RFTN1: variants seen among roughly 807,000 people sequenced by gnomAD.
RFTN1 encodes raftlin, lipid raft linker 1.
RFTN1 carries 26 observed loss-of-function variants against 46.5 expected under a neutral mutation model. The observed-to-expected ratio is 0.56, with a 90% CI of 0.41 to 0.78. The LOEUF (loss-of-function observed/expected upper bound fraction) is 0.78, where lower values mean the gene tolerates loss of function less well. Ranked by LOEUF, RFTN1 falls within the 30% of genes least tolerant of loss-of-function variation. The probability of loss-of-function intolerance (pLI) is 0.00; values close to 1 mark genes in which losing one functional copy is unlikely to be tolerated. For synonymous variants in RFTN1, 261 were observed against 284.2 expected (o/e 0.92, Z 0.82); for missense variants, 693 against 718.7 (o/e 0.96, Z 0.41).
chr3:16,332,326 C>G (rs746162802), intron 7 of RFTN1, among the ~76,000 whole-genome samples: 1 of 128,406 alleles, frequency 7.8e-6, no homozygotes, highest in Non-Finnish European at 1.7e-5. Flanking sequence ...GAGAGATTTC[C>G]TTCATTTTGT....
intron 4 of RFTN1, among the ~76,000 whole-genome samples, chr3:16,389,348 A>C (rs2074291872): frequency 6.6e-6 from 1 of 152,216 alleles, no homozygotes; most frequent in Admixed American, 6.5e-5. Context: ...AGTGTGCTAA[A>C]AAAATGAATG....
intron 1 of RFTN1, among the ~76,000 whole-genome samples, chr3:16,510,210 T>C (rs1311845205): frequency 2.6e-5 from 4 of 152,126 alleles, no homozygotes; most frequent in Non-Finnish European, 5.9e-5. Context: ...CCCCTCAAAA[T>C]AAACACAACC....
At chr3:16,464,804 T>C (rs1480214309) in intron 2 of RFTN1, among the ~76,000 whole-genome samples, 1 of 152,254 alleles carries the variant, frequency 6.6e-6, no homozygotes, top group African/African-American at 2.4e-5. Context: ...AGAGACCACA[T>C]CACCCACAAA....
At chr3:16,497,975 A>T (rs1221109208) in intron 1 of RFTN1, among the ~76,000 whole-genome samples, 1 of 152,182 alleles carries the variant, frequency 6.6e-6, no homozygotes, top group East Asian at 1.9e-4. Flanking sequence ...ACCAAGAAGC[A>T]TTAGAAAACT....
intron 7 of RFTN1, among the ~76,000 whole-genome samples, chr3:16,347,176 CA>C (rs373875408): frequency 3.2e-4 from 49 of 152,336 alleles, no homozygotes; most frequent in African/African-American, 1.1e-3. Context: ...CAACCCATTG[CA>C]AAAATCCAGG....
chr3:16,323,979 C>A (rs2459641), intron 8 of RFTN1, among the ~76,000 whole-genome samples: 1 of 152,000 alleles, frequency 6.6e-6, no homozygotes, highest in East Asian at 1.9e-4. Context: ...GCCTGTTAAC[C>A]AGCTCTGGCT....
rs1401393682 is a variant in RFTN1, at chr3:16,474,286, TG to T, written c.145+19438del. Reference sequence around the variant, plus strand: ...AACTCATCCGAGGTCACAGAGCAAATGAGAGAGATGGGTCTCCCAGCAAATC... The same window carrying T: ...AACTCATCCGAGGTCACAGAGCAAATAGAGAGATGGGTCTCCCAGCAAATC... On this transcript the variant is annotated intron_variant, in intron 2 of 9. Transcript: ENST00000334133. This position sits in a 1 kb window ranked among gnomAD's most constrained non-coding sequence, Gnocchi z 5.5. Among the ~76,000 whole-genome samples, 2 of 152,040 alleles carry T rather than the reference TG, an allele frequency of 1.3e-5. No individual in the cohort carries two copies. The highest frequency in any genetic ancestry group is 2.9e-5 in the Non-Finnish European group (2 of 68,010).
chr3:16,431,135 C>G (rs1575279372), intron 3 of RFTN1, among the ~76,000 whole-genome samples: 1 of 152,344 alleles, frequency 6.6e-6, no homozygotes, highest in East Asian at 1.9e-4. Context: ...CATCGATGTG[C>G]CCCTTGCACG....
chr3:16,492,090 A>G (rs1336424615), intron 2 of RFTN1, among the ~76,000 whole-genome samples: 1 of 152,198 alleles, frequency 6.6e-6, no homozygotes, highest in East Asian at 1.9e-4. Flanking sequence ...GGGGGAAGGC[A>G]TGGTCATAGG....
At chr3:16,369,126 G>T (rs925382043) in intron 6 of RFTN1, among the ~76,000 whole-genome samples, 3 of 152,202 alleles carry the variant, frequency 2.0e-5, no homozygotes, top group Non-Finnish European at 4.4e-5. Flanking sequence ...TAAGACTTTG[G>T]ATGATTTAAA....
In RFTN1 at chr3:16,447,452, G is replaced by A. The variant is rs1469109528; in HGVS notation, c.146-13415C>T. 2.0e-5 allele frequency among the ~76,000 whole-genome samples: 3 copies of A among 152,152 alleles called. No individual in the cohort carries two copies. Among genetic ancestry groups the A allele is most frequent in the South Asian group, 2.1e-4 (1 of 4,830 alleles). On this transcript the variant is annotated intron_variant, in intron 2 of 9. Transcript: ENST00000334133. This position sits in a 1 kb window ranked among gnomAD's most constrained non-coding sequence, Gnocchi z 5.9. ...CATTAACCAATTTGCATGCAAAATC[G>A]ACATCAGCACTCTCTGGTCTATTTT... is the stretch of plus-strand genomic sequence containing the variant.
At chr3:16,354,707 A>AG (rs1238950626) in intron 7 of RFTN1, among the ~76,000 whole-genome samples, 2 of 152,256 alleles carry the variant, frequency 1.3e-5, no homozygotes, top group African/African-American at 4.8e-5. Context: ...TTGACAACGA[A>AG]GCCAGGCTGA....
intron 4 of RFTN1, among the ~76,000 whole-genome samples, chr3:16,399,766 G>C (rs2074557545): frequency 6.6e-6 from 1 of 152,144 alleles, no homozygotes; most frequent in Non-Finnish European, 1.5e-5. Flanking sequence ...TCATTCTGCA[G>C]TCATCCTTAT....
chr3:16,505,079 G>A (rs1443262722), intron 1 of RFTN1, among the ~76,000 whole-genome samples: 2 of 152,092 alleles, frequency 1.3e-5, no homozygotes, highest in South Asian at 2.1e-4. Flanking sequence ...AGCTACCAAC[G>A]CTTTCCTGGA....
intron 4 of RFTN1, among the ~76,000 whole-genome samples, chr3:16,405,461 T>C (rs2074831138): frequency 6.6e-6 from 1 of 152,146 alleles, no homozygotes; most frequent in South Asian, 2.1e-4. Context: ...TTTGACCAGC[T>C]AGAGCACTCA....
Position 16,421,604 on chromosome 3 carries a change from C to T in RFTN1, c.333-12121G>A, listed in dbSNP as rs113824393. ...TGACTTCGTGATCCGCCCGCCTCGG[C>T]CTCCCAAAGTGCTGGGATTACAGGT... On this transcript the variant is annotated intron_variant, in intron 3 of 9. Transcript: ENST00000334133. The surrounding 1 kb of genome is among the most constrained non-coding windows in gnomAD (Gnocchi z 4.6). 0.076 allele frequency among the ~76,000 whole-genome samples: 11,492 copies of T among 152,128 alleles called. 1,037 individuals are homozygous for T. The highest frequency in any genetic ancestry group is 0.22 in the African/African-American group (9,113 of 41,446).
rs564857523 is a variant in RFTN1, at chr3:16,506,559, G to A, written c.-9+6883C>T. Among the ~76,000 whole-genome samples, 4 of 152,160 alleles carry A rather than the reference G, an allele frequency of 2.6e-5. No individual in the cohort carries two copies. The East Asian group carries it at 7.7e-4, about 29-fold the overall frequency. ...GACTGATGATTTGGAAAAAGGGGATGAGCAAAAGAGGGCATCCAAGACACC... is the reference window on the plus strand; with the variant it reads ...GACTGATGATTTGGAAAAAGGGGATAAGCAAAAGAGGGCATCCAAGACACC... On this transcript the variant is annotated intron_variant, in intron 1 of 9. Coordinates refer to ENST00000334133, the MANE Select transcript of RFTN1 (RefSeq NM_015150.2). The surrounding 1 kb of genome is among the most constrained non-coding windows in gnomAD (Gnocchi z 4.8).
intron 2 of RFTN1, among the ~76,000 whole-genome samples, chr3:16,444,789 A>C (rs968679683): frequency 2.0e-5 from 3 of 152,190 alleles, no homozygotes; most frequent in Admixed American, 6.5e-5. Flanking sequence ...TACGAGTTTC[A>C]CTTTGCAAAC....
At chr3:16,369,986 T>C (rs2073426911) in intron 6 of RFTN1, 90 bp downstream of exon 6, 4 of 1,208,676 alleles carry the variant, frequency 3.3e-6, no homozygotes, top group Non-Finnish European at 2.4e-6. Flanking sequence ...GCTTTCTGAA[T>C]GAAGCAGACT....
Sources: allele counts gnomAD v4.1 joint callset (sites outside exome capture counted in the v4.1 genomes callset), GRCh38; gene constraint gnomAD v4.1.1; non-coding constraint Gnocchi (gnomAD v3.1); transcripts MANE v1.5; gene names NCBI Gene and HGNC (gene_info 2026-07-23, HGNC 2026-07-21).